DNAH14: variants seen among roughly 807,000 people sequenced by gnomAD.
DNAH14 encodes the protein dynein axonemal heavy chain 14, also known as axonemal beta dynein heavy chain 14.
A neutral mutation model predicts 520.9 loss-of-function variants in DNAH14; 478 were observed. That is an observed-to-expected ratio of 0.92 (90% CI 0.85 to 0.99). DNAH14 has a LOEUF of 0.99. Ranked by LOEUF, DNAH14 falls within the 50% of genes least tolerant of loss-of-function variation. The probability of loss-of-function intolerance (pLI) is 0.00; values close to 1 mark genes in which losing one functional copy is unlikely to be tolerated. For missense variants in DNAH14, 4,831 were observed against 5,234.5 expected, an observed-to-expected ratio of 0.92 and a Z score of 2.38; for synonymous variants, 1,581 against 1,757.2, an observed-to-expected ratio of 0.90 and a Z score of 2.51.
rs1572189962 is a variant in DNAH14 at position 224,977,153 on chromosome 1, C to G, written c.830+3000C>G. Among the ~76,000 whole-genome samples the G allele has an allele frequency of 2.0e-5, 3 of 151,996 alleles. No individual in the cohort carries two copies. The East Asian group carries it at 5.8e-4, about 29-fold the overall frequency. On this transcript the variant is annotated intron_variant, in intron 8 of 85. Coordinates refer to ENST00000682510, the MANE Select transcript of DNAH14 (RefSeq NM_001367479.1). ...CACATATACACCATGGAATACTATG[C>G]AGCCATAAAAAAGGATGAGTTCATG...
chr1:225,264,929 TTA>T (rs1241446816), intron 47 of DNAH14, among the ~76,000 whole-genome samples: 1 of 152,164 alleles, frequency 6.6e-6, no homozygotes, highest in Non-Finnish European at 1.5e-5. Flanking sequence ...TCTTAAAAAG[TTA>T]TATGTGTCTG....
chr1:225,214,411 T>C (rs999961427), intron 41 of DNAH14, among the ~76,000 whole-genome samples: 27 of 152,346 alleles, frequency 1.8e-4, no homozygotes, highest in Middle Eastern at 6.8e-3. Context: ...ATCAGGATGA[T>C]GCTGGCCTCA....
chr1:225,292,585 A>G (rs969266325), intron 55 of DNAH14, among the ~76,000 whole-genome samples: 7 of 152,098 alleles, frequency 4.6e-5, no homozygotes, highest in African/African-American at 1.7e-4. Context: ...TTTTTGAGAT[A>G]TTTTGTGGTT....
intron 21 of DNAH14, among the ~76,000 whole-genome samples, chr1:225,090,667 T>C (rs1187298458): frequency 1.3e-5 from 2 of 152,110 alleles, no homozygotes; most frequent in Non-Finnish European, 2.9e-5. Context: ...TGAACAATCA[T>C]ATGCAAAACA....
chr1:225,184,857 A>G (rs1190494952), intron 36 of DNAH14, among the ~76,000 whole-genome samples: 2 of 152,088 alleles, frequency 1.3e-5, no homozygotes, highest in African/African-American at 2.4e-5. Context: ...TTGGAATAAG[A>G]CAAGGATGCC....
intron 83 of DNAH14, 24 bp from the exon 84 acceptor site, chr1:225,392,267 G>C: frequency 6.4e-7 from 1 of 1,551,708 alleles, no homozygotes; most frequent in Non-Finnish European, 8.7e-7. Context: ...CAAGGAACTT[G>C]ATGGTGTGTG....
chr1:225,169,961 T>C (rs969888060), intron 36 of DNAH14, among the ~76,000 whole-genome samples: 2 of 152,314 alleles, frequency 1.3e-5, no homozygotes, highest in Admixed American at 1.3e-4. Context: ...TGGGGGCTAA[T>C]ATTCAACATT....
chr1:225,002,987 AG>A, intron 9 of DNAH14, 60 bp downstream of exon 9: 34 of 1,315,406 alleles, frequency 2.6e-5, no homozygotes, highest in Non-Finnish European at 3.4e-5. Context: ...GAAGAAAAAT[AG>A]CATTTTGAAT....
chr1:225,364,619 A>G (rs552266490), intron 75 of DNAH14, among the ~76,000 whole-genome samples, 173 bp from the exon 76 acceptor site: 1 of 152,176 alleles, frequency 6.6e-6, no homozygotes, highest in South Asian at 2.1e-4. Flanking sequence ...AATGTAACTG[A>G]TGGGTCGTGT....
In DNAH14 at chr1:225,080,670, T is replaced by G; in HGVS notation, c.3058T>G (p.Ser1020Ala). The change falls in exon 19 of 86, where the codon TCT becomes GCT. Residue 1020 changes from serine to alanine, a missense_variant. Physicochemically the swap from Ser to Ala is moderately conservative, Grantham distance 99 (BLOSUM62 1). Coordinates refer to ENST00000682510, the MANE Select transcript of DNAH14 (RefSeq NM_001367479.1). Reference protein sequence around the residue: ...KRASWEWRNSSLQSIDVESVQ... With the variant: ...KRASWEWRNSALQSIDVESVQ... Reference sequence around the variant, plus strand: ...AGCCTCTTGGGAATGGAGGAATAGTTCTCTTCAAAGTATTGATGTAGAATC... The same window carrying G: ...AGCCTCTTGGGAATGGAGGAATAGTGCTCTTCAAAGTATTGATGTAGAATC... 6.4e-7 allele frequency: 1 copy of G among 1,551,786 alleles called. No individual in the cohort carries two copies. Among genetic ancestry groups the G allele is most frequent in the Non-Finnish European group, 8.7e-7 (1 of 1,146,950 alleles).
At chr1:225,389,920 T>C (rs2095883989) in intron 83 of DNAH14, 47 bp downstream of exon 83, 3 of 1,524,324 alleles carry the variant, frequency 2.0e-6, no homozygotes, top group Middle Eastern at 1.7e-4. Flanking sequence ...CCAGGCAAGT[T>C]TGCACTCAGT....
intron 43 of DNAH14, among the ~76,000 whole-genome samples, chr1:225,242,105 G>A (rs2091999640): frequency 6.6e-6 from 1 of 152,044 alleles, no homozygotes; most frequent in African/African-American, 2.4e-5. Flanking sequence ...ATGGTTGTAT[G>A]CTCCTGTAGT....
At chr1:225,038,536 A>G (rs2067174460) in intron 11 of DNAH14, among the ~76,000 whole-genome samples, 158 bp from the exon 12 acceptor site, 1 of 151,674 alleles carries the variant, frequency 6.6e-6, no homozygotes, top group African/African-American at 2.4e-5. Context: ...TCTTGTGCTT[A>G]TTGTCCATTT....
chr1:225,004,383 C>T (rs994381323), intron 9 of DNAH14, among the ~76,000 whole-genome samples: 1 of 152,058 alleles, frequency 6.6e-6, no homozygotes, highest in African/African-American at 2.4e-5. Context: ...CAGAGATTAG[C>T]CTTATTTGGA....
chr1:225,381,474 C>T lies in DNAH14; in HGVS notation c.12972C>T (p.Ser4324=), dbSNP rs2095782815. The change falls in exon 81 of 86, where the codon TCC becomes TCT. Residue 4324 remains serine, a synonymous_variant. Coordinates refer to ENST00000682510, the MANE Select transcript of DNAH14 (RefSeq NM_001367479.1). ...FDKLLFVIHK[S]LKDLQLAIKG... ...AGTTATTATTTGTCATACATAAATC[C>T]TTAAAAGATCTTCAGCTTGCTATAA... 6.5e-7 allele frequency: 1 copy of T among 1,549,590 alleles called. No homozygotes were observed. Among genetic ancestry groups the T allele is most frequent in the African/African-American group, 1.4e-5 (1 of 72,990 alleles).
Position 225,043,202 on chromosome 1 carries a change from G to T in DNAH14, c.1768+88G>T, listed in dbSNP as rs112144323. On this transcript the variant is annotated intron_variant, in intron 13 of 85. Transcript: ENST00000682510. ...CCTGGCACTCTGGGAGGCTGAGGTG[G>T]GAGGATCACTTGATGCCAGAAGTTT... The T allele has an allele frequency of 3.6e-5, 49 of 1,343,576 alleles. No homozygotes were observed. The East Asian group carries it at 1.3e-3, about 34-fold the overall frequency. The allele number at this position is 1,343,576 out of a possible 1,614,324, so 83.2% of individuals were successfully genotyped here.
chr1:225,366,795 A>G (rs1368782702), intron 76 of DNAH14, among the ~76,000 whole-genome samples: 1 of 137,050 alleles, frequency 7.3e-6, no homozygotes, highest in Admixed American at 7.6e-5. Flanking sequence ...GTAAAAACCT[A>G]GAGACCTCCT....
chr1:224,981,949 A>G (rs1342649685), intron 8 of DNAH14, among the ~76,000 whole-genome samples: 1 of 152,194 alleles, frequency 6.6e-6, no homozygotes, highest in Non-Finnish European at 1.5e-5. Context: ...TAATAATTGA[A>G]CAGGCTGAAG....
At chr1:225,200,985 A>G (rs1218497845) in intron 38 of DNAH14, among the ~76,000 whole-genome samples, 2 of 151,934 alleles carry the variant, frequency 1.3e-5, no homozygotes, top group Non-Finnish European at 2.9e-5. Flanking sequence ...TTCCTTAAGA[A>G]CACCAATTAT....
Sources: allele counts gnomAD v4.1 joint callset (sites outside exome capture counted in the v4.1 genomes callset), GRCh38; gene constraint gnomAD v4.1.1; transcripts MANE v1.5; gene names NCBI Gene and HGNC (gene_info 2026-07-23, HGNC 2026-07-21).